The following TMEM17 variants were observed in gnomAD, a reference collection of about 807,000 sequenced individuals.
The protein encoded by TMEM17 is transmembrane protein 17.
In TMEM17, 15 loss-of-function variants were observed where a neutral mutation model predicts 19.1. The ratio of observed to expected loss-of-function variants is 0.78; its 90% CI spans 0.52 to 1.21. TMEM17 has a LOEUF of 1.21. Among genes scored for constraint, TMEM17 ranks in the 50% most tolerant of loss-of-function variants. The pLI is 0.00. For synonymous variants in TMEM17, 103 were observed against 86.9 expected (o/e 1.19, Z -1.03); for missense variants, 245 against 242.3 (o/e 1.01, Z -0.07).
At chr2:62,466,434 C>T in the TMEM17 span, among the ~76,000 whole-genome samples, 1 of 152,180 alleles carries the variant, frequency 6.6e-6, no homozygotes, top group Non-Finnish European at 1.5e-5. Flanking sequence ...GAACATTCAA[C>T]GTCGGCTGGG....
At chr2:62,492,044 C>CT in the TMEM17 span, among the ~76,000 whole-genome samples, 422 of 152,218 alleles carry the variant, frequency 2.8e-3, 2 homozygotes, top group African/African-American at 9.2e-3. Context: ...CTTCTGGACC[C>CT]TTTTTTGCCA....
At chr2:62,475,742 T>C in the TMEM17 span, among the ~76,000 whole-genome samples, 1 of 152,222 alleles carries the variant, frequency 6.6e-6, no homozygotes. Context: ...CGCTGACAGC[T>C]GGGTCTGCAG....
the TMEM17 span, among the ~76,000 whole-genome samples, chr2:62,456,431 G>A: frequency 6.6e-6 from 1 of 152,130 alleles, no homozygotes; most frequent in Non-Finnish European, 1.5e-5. Flanking sequence ...TTTGTCATAT[G>A]GCTTTGTTTG....
chr2:62,479,889 C>CA, the TMEM17 span, among the ~76,000 whole-genome samples: 5,377 of 68,374 alleles, frequency 0.079, 287 homozygotes, highest in African/African-American at 0.11. Context: ...AGACCTGTCT[C>CA]AAAAAAAAAA....
At chr2:62,459,524 G>T in the TMEM17 span, among the ~76,000 whole-genome samples, 1 of 152,144 alleles carries the variant, frequency 6.6e-6, no homozygotes, top group Non-Finnish European at 1.5e-5. Flanking sequence ...TCACTTTCCC[G>T]GCTGTCACAA....
chr2:62,455,498 G>A, the TMEM17 span, among the ~76,000 whole-genome samples: 2 of 152,240 alleles, frequency 1.3e-5, no homozygotes, highest in Non-Finnish European at 2.9e-5. Context: ...CGGGCACAGT[G>A]GCTCACGCCT....
At chr2:62,494,901 A>C in the TMEM17 span, among the ~76,000 whole-genome samples, 2 of 152,210 alleles carry the variant, frequency 1.3e-5, no homozygotes, top group Non-Finnish European at 2.9e-5. Context: ...CTGTAGTCCC[A>C]GCTACCGGGA....
the TMEM17 span, among the ~76,000 whole-genome samples, chr2:62,455,639 T>G: frequency 1.3e-5 from 2 of 152,104 alleles, no homozygotes; most frequent in Admixed American, 1.3e-4. Context: ...TGGTGGTGGG[T>G]GCCTGTAATC....
the TMEM17 span, among the ~76,000 whole-genome samples, chr2:62,457,074 C>T: frequency 6.6e-6 from 1 of 152,232 alleles, no homozygotes; most frequent in Admixed American, 6.5e-5. This position sits in a 1 kb window ranked among gnomAD's most constrained non-coding sequence, Gnocchi z 4.2. Context: ...CCTCTCTGCT[C>T]TCCCGAGGCG....
the TMEM17 span, among the ~76,000 whole-genome samples, chr2:62,464,632 G>T: frequency 1.3e-5 from 2 of 152,338 alleles, no homozygotes; most frequent in East Asian, 3.9e-4. Context: ...TCAAGACAGG[G>T]AAATTGCAAC....
chr2:62,495,808 T>C (rs1679763115), downstream of TMEM17, among the ~76,000 whole-genome samples: 1 of 152,242 alleles, frequency 6.6e-6, no homozygotes, highest in African/African-American at 2.4e-5. Flanking sequence ...CTTGGCTATG[T>C]TTCCAATCTT....
chr2:62,456,275 G>GT, the TMEM17 span, among the ~76,000 whole-genome samples: 1 of 152,230 alleles, frequency 6.6e-6, no homozygotes, highest in African/African-American at 2.4e-5. Context: ...AAATTAAGGG[G>GT]TAAGCAGAGC....
At chr2:62,506,005 C>G (rs759808294) in intron 1 of TMEM17, 25 bp downstream of exon 1, 2 of 1,593,858 alleles carry the variant, frequency 1.3e-6, no homozygotes, top group Admixed American at 1.7e-5. Flanking sequence ...GGCCACACCC[C>G]CTGCACCGGG....
the TMEM17 span, among the ~76,000 whole-genome samples, chr2:62,492,391 C>G: frequency 2.0e-5 from 3 of 152,224 alleles, no homozygotes; most frequent in Non-Finnish European, 4.4e-5. Context: ...CTGCCTGGCA[C>G]ATTGCAGGCA....
the TMEM17 span, among the ~76,000 whole-genome samples, chr2:62,456,019 C>T: frequency 6.6e-6 from 1 of 152,218 alleles, no homozygotes; most frequent in Admixed American, 6.5e-5. Context: ...AAAATGTCTA[C>T]GTGGCTGTTC....
At chr2:62,468,622 T>A in the TMEM17 span, among the ~76,000 whole-genome samples, 1 of 152,078 alleles carries the variant, frequency 6.6e-6, no homozygotes, top group Admixed American at 6.5e-5. Flanking sequence ...GTGTTCACCA[T>A]AGAGAGAACT....
At chr2:62,463,036 G>A in the TMEM17 span, 1 of 152,236 alleles carries the variant, frequency 6.6e-6, no homozygotes, top group Non-Finnish European at 1.5e-5. Flanking sequence ...TCTCAACACA[G>A]GTGGCCTTTT....
chr2:62,471,739 G>C, the TMEM17 span, among the ~76,000 whole-genome samples: 1 of 152,232 alleles, frequency 6.6e-6, no homozygotes, highest in Admixed American at 6.5e-5. Context: ...TTTTGGGCAG[G>C]GGGCAAGGCT....
At chr2:62,483,961 G>T in the TMEM17 span, among the ~76,000 whole-genome samples, 1 of 152,130 alleles carries the variant, frequency 6.6e-6, no homozygotes, top group African/African-American at 2.4e-5. Flanking sequence ...CACAAGGAAA[G>T]GAGAGTTTCT....
Sources: allele counts gnomAD v4.1 joint callset (sites outside exome capture counted in the v4.1 genomes callset), GRCh38; gene constraint gnomAD v4.1.1; non-coding constraint Gnocchi (gnomAD v3.1); transcripts MANE v1.5; gene names NCBI Gene and HGNC (gene_info 2026-07-23, HGNC 2026-07-21).